CYP2C19: variants seen among roughly 807,000 people sequenced by gnomAD.
CYP2C19 encodes the protein cytochrome P450 family 2 subfamily C member 19.
Under a neutral mutation model 40.9 loss-of-function variants are expected in CYP2C19, and 59 were observed. The ratio of observed to expected loss-of-function variants is 1.44; its 90% CI spans 1.17 to 1.79. CYP2C19 has a LOEUF of 1.79. CYP2C19 is among the 40% of genes most tolerant of loss of function. The probability of loss-of-function intolerance (pLI) is 0.00; values close to 1 mark genes in which losing one functional copy is unlikely to be tolerated. For synonymous variants in CYP2C19, 253 were observed against 208.7 expected (o/e 1.21, Z -1.83); for missense variants, 754 against 596.9 (o/e 1.26, Z -2.74).
chr10:94,790,033 G>C (rs560486568), intron 5 of CYP2C19, among the ~76,000 whole-genome samples: 43 of 152,258 alleles, frequency 2.8e-4, no homozygotes, highest in Non-Finnish European at 4.7e-4. Context: ...GCAGTGGTTT[G>C]TAGTTCTCCT....
At chr10:94,842,753 A>G (rs1279673957) in intron 6 of CYP2C19, 84 bp from the exon 7 acceptor site, 1 of 1,425,178 alleles carries the variant, frequency 7.0e-7, no homozygotes, top group Non-Finnish European at 9.9e-7. Context: ...GGATACCTTC[A>G]TCATGATTCA....
chr10:94,772,936 C>T (rs983513489), intron 1 of CYP2C19, among the ~76,000 whole-genome samples: 11 of 152,312 alleles, frequency 7.2e-5, no homozygotes, highest in African/African-American at 9.6e-5. Context: ...CGCCCGCCAC[C>T]GCGCCCGGCT....
intron 5 of CYP2C19, among the ~76,000 whole-genome samples, chr10:94,785,399 A>G (rs1332429178): frequency 6.6e-6 from 1 of 152,142 alleles, no homozygotes; most frequent in African/African-American, 2.4e-5. Context: ...CAATTGACTC[A>G]TCACCATTTG....
intron 4 of CYP2C19, among the ~76,000 whole-genome samples, chr10:94,780,967 C>T (rs1443113932): frequency 6.6e-6 from 1 of 152,132 alleles, no homozygotes; most frequent in African/African-American, 2.4e-5. Flanking sequence ...TATATCACTC[C>T]ATGGACATCC....
chr10:94,820,051 T>G (rs1356272032), intron 5 of CYP2C19, among the ~76,000 whole-genome samples: 3 of 149,838 alleles, frequency 2.0e-5, no homozygotes, highest in Admixed American at 6.6e-5. Flanking sequence ...CATGATCAAG[T>G]GGGCTTCATC....
At chr10:94,849,386 A>T (rs1013245619) in intron 7 of CYP2C19, among the ~76,000 whole-genome samples, 1 of 152,010 alleles carries the variant, frequency 6.6e-6, no homozygotes, top group Non-Finnish European at 1.5e-5. Context: ...GGAAATTCAA[A>T]AGCAAGTTCA....
rs949256982 is a variant in CYP2C19 at position 94,853,746 on chromosome 10, C to T, written c.*832C>T. Among the ~76,000 whole-genome samples the T allele has an allele frequency of 6.6e-6, 1 of 151,886 alleles. No individual in the cohort carries two copies. The highest frequency in any genetic ancestry group is 1.5e-5 in the Non-Finnish European group (1 of 67,972). ...TATTTTTAGTACAGACAGGGTTTCA[C>T]CATGTTAGCCAGGATGATCTCAATC... On this transcript the variant is annotated 3_prime_UTR_variant, in exon 9 of 9. Coordinates refer to ENST00000371321, the MANE Select transcript of CYP2C19 (RefSeq NM_000769.4).
At chr10:94,820,443 A>G in intron 5 of CYP2C19, 53 bp from the exon 6 acceptor site, 1 of 1,600,538 alleles carries the variant, frequency 6.2e-7, no homozygotes, top group Non-Finnish European at 8.6e-7. Flanking sequence ...ATTTACTGTC[A>G]TCAAATATGC....
chr10:94,768,921 G>A (rs535735366), intron 1 of CYP2C19, among the ~76,000 whole-genome samples: 2 of 152,274 alleles, frequency 1.3e-5, no homozygotes, highest in South Asian at 4.1e-4. Context: ...TACTAGATGA[G>A]TATTTGCCCT....
chr10:94,841,346 C>T (rs943235468), intron 6 of CYP2C19, among the ~76,000 whole-genome samples: 19 of 152,230 alleles, frequency 1.2e-4, no homozygotes, highest in Non-Finnish European at 2.4e-4. Context: ...CAGCAGACAC[C>T]CTGCCAGATC....
At chr10:94,791,710 A>G (rs1031413578) in intron 5 of CYP2C19, among the ~76,000 whole-genome samples, 3 of 152,146 alleles carry the variant, frequency 2.0e-5, no homozygotes, top group Non-Finnish European at 4.4e-5. Flanking sequence ...TTCTAGTTTG[A>G]TTGCACCGTG....
At chr10:94,817,742 G>C (rs931625363) in intron 5 of CYP2C19, among the ~76,000 whole-genome samples, 1 of 151,994 alleles carries the variant, frequency 6.6e-6, no homozygotes, top group Non-Finnish European at 1.5e-5. Flanking sequence ...GGCCGGGTGC[G>C]GTGGCTCACA....
chr10:94,790,555 G>C (rs867849197), intron 5 of CYP2C19, among the ~76,000 whole-genome samples: 1 of 152,264 alleles, frequency 6.6e-6, no homozygotes, highest in African/African-American at 2.4e-5. Context: ...TTAGCATGAA[G>C]AGCTGTTGAA....
intron 5 of CYP2C19, among the ~76,000 whole-genome samples, chr10:94,788,391 TATTTTTTAAA>T (rs1848569737): frequency 2.0e-5 from 3 of 152,014 alleles, no homozygotes; most frequent in African/African-American, 7.2e-5. Flanking sequence ...GAAGGATGGG[TATTTTTTAAA>T]ATTTTTAAAT....
intron 5 of CYP2C19, among the ~76,000 whole-genome samples, chr10:94,814,307 T>C (rs1254106051): frequency 3.9e-5 from 6 of 152,082 alleles, no homozygotes; most frequent in African/African-American, 2.4e-5. Context: ...TATTTGTGAA[T>C]TTTTTTCATT....
Position 94,783,511 on chromosome 10 carries a change from CT to C in CYP2C19, c.819+1518del, listed in dbSNP as rs1848504277. On this transcript the variant is annotated intron_variant, in intron 5 of 8. Transcript: ENST00000371321. Reference sequence around the variant, plus strand: ...ATCAGATACCGTGTAAACATCACCTCTTTTGTCATTGCACCATTTTTGAAGA... The same window carrying C: ...ATCAGATACCGTGTAAACATCACCTCTTTGTCATTGCACCATTTTTGAAGA... Among the ~76,000 whole-genome samples, 4 of 152,086 alleles carry C rather than the reference CT, an allele frequency of 2.6e-5. No homozygotes were observed. The South Asian group carries it at 8.3e-4, about 32-fold the overall frequency.
intron 5 of CYP2C19, among the ~76,000 whole-genome samples, chr10:94,794,214 C>T (rs897034035): frequency 6.6e-6 from 1 of 152,094 alleles, no homozygotes; most frequent in African/African-American, 2.4e-5. Flanking sequence ...TGGAAAAGCA[C>T]AGTATTAGGG....
At chr10:94,818,152 T>A (rs1272787220) in intron 5 of CYP2C19, among the ~76,000 whole-genome samples, 1 of 149,306 alleles carries the variant, frequency 6.7e-6, no homozygotes. Context: ...AGGGAATCCT[T>A]TCCCCATTGC....
At chr10:94,786,874 T>A (rs1316494997) in intron 5 of CYP2C19, among the ~76,000 whole-genome samples, 1 of 152,150 alleles carries the variant, frequency 6.6e-6, no homozygotes, top group East Asian at 1.9e-4. Context: ...CATTTCATAG[T>A]GTATATATAC....
Sources: gnomAD v4.1 joint callset for allele counts (sites outside exome capture counted in the v4.1 genomes callset) on GRCh38, gnomAD v4.1.1 for gene constraint, MANE v1.5 for transcripts, NCBI Gene and HGNC (gene_info 2026-07-23, HGNC 2026-07-21) for gene names.